Variants in MDGA2 observed in about 807,000 individuals in gnomAD.
The protein encoded by MDGA2 is MAM domain-containing glycosylphosphatidylinositol anchor protein 2.
A neutral mutation model predicts 117.8 loss-of-function variants in MDGA2; 40 were observed. That is an observed-to-expected ratio of 0.34 (90% CI 0.26 to 0.44). The LOEUF is 0.44. Ranked by LOEUF, MDGA2 falls within the 20% of genes least tolerant of loss-of-function variation. The probability of loss-of-function intolerance (pLI) is 1.00; values close to 1 mark genes in which losing one functional copy is unlikely to be tolerated. For synonymous variants in MDGA2, 452 were observed against 439.0 expected, an observed-to-expected ratio of 1.03 and a Z score of -0.37; for missense variants, 1,123 against 1,250.6, an observed-to-expected ratio of 0.90 and a Z score of 1.54.
intron 2 of MDGA2, among the ~76,000 whole-genome samples, chr14:47,223,609 C>G (rs1886375855): frequency 6.6e-6 from 1 of 152,042 alleles, no homozygotes; most frequent in African/African-American, 2.4e-5. Flanking sequence ...CTTCCTATCC[C>G]CCAGCTAAAA....
At chr14:47,262,162 A>G (rs1462824765) in intron 2 of MDGA2, among the ~76,000 whole-genome samples, 8 of 152,188 alleles carry the variant, frequency 5.3e-5, no homozygotes, top group Non-Finnish European at 1.0e-4. Flanking sequence ...CAAATCAGAA[A>G]GAACAGGCTA....
chr14:47,016,945 T>TA (rs1208708210), intron 8 of MDGA2, among the ~76,000 whole-genome samples: 1 of 151,784 alleles, frequency 6.6e-6, no homozygotes, highest in Non-Finnish European at 1.5e-5. Flanking sequence ...TTTTTATTAT[T>TA]TTTTTCCATA....
intron 1 of MDGA2, among the ~76,000 whole-genome samples, chr14:47,356,129 T>C (rs1313662825): frequency 6.6e-6 from 1 of 152,152 alleles, no homozygotes; most frequent in Admixed American, 6.5e-5. Flanking sequence ...CTTGGATTCA[T>C]CACTCACGAG....
At chr14:47,196,398 T>C (rs543581031) in intron 3 of MDGA2, among the ~76,000 whole-genome samples, 1 of 152,266 alleles carries the variant, frequency 6.6e-6, no homozygotes, top group East Asian at 1.9e-4. Context: ...TTAAATACTG[T>C]AAGATTAAAC....
intron 3 of MDGA2, among the ~76,000 whole-genome samples, chr14:47,217,452 A>C (rs1886134751): frequency 6.6e-6 from 1 of 151,986 alleles, no homozygotes; most frequent in Non-Finnish European, 1.5e-5. Flanking sequence ...AACAAAAATA[A>C]ATCAACAAAC....
intron 1 of MDGA2, among the ~76,000 whole-genome samples, chr14:47,503,062 T>C (rs1420679929): frequency 1.3e-5 from 2 of 152,176 alleles, no homozygotes. Flanking sequence ...AAATGCCCCG[T>C]TTAACATTTA....
chr14:47,118,783 G>T (rs796541654), intron 5 of MDGA2, among the ~76,000 whole-genome samples: 16 of 152,272 alleles, frequency 1.1e-4, no homozygotes, highest in African/African-American at 3.9e-4. Flanking sequence ...GTTCAGTCTG[G>T]AGTGCAGCGG....
intron 10 of MDGA2, among the ~76,000 whole-genome samples, chr14:46,903,278 A>G (rs547972370): frequency 7.3e-4 from 111 of 152,296 alleles, no homozygotes; most frequent in African/African-American, 2.6e-3. Context: ...CTGCAACACT[A>G]ATCTCCCTTT....
intron 2 of MDGA2, among the ~76,000 whole-genome samples, chr14:47,291,120 C>T (rs1888872270): frequency 6.6e-6 from 1 of 152,164 alleles, no homozygotes; most frequent in African/African-American, 2.4e-5. Flanking sequence ...GATTGTATTG[C>T]CTGAGCAGTA....
chr14:46,976,289 T>C (rs56257026), intron 8 of MDGA2, among the ~76,000 whole-genome samples: 15,796 of 151,918 alleles, frequency 0.1, 1,135 homozygotes, highest in Admixed American at 0.16. Context: ...AAAAACACAG[T>C]GGCTTAGAAC....
rs377473841 is a variant in MDGA2, at chr14:47,675,199, C to T, written c.-403G>A. Among the ~76,000 whole-genome samples the T allele has an allele frequency of 2.0e-5, 3 of 152,124 alleles. No individual in the cohort carries two copies. Among genetic ancestry groups the T allele is most frequent in the African/African-American group, 7.2e-5 (3 of 41,450 alleles). On this transcript the variant is annotated 5_prime_UTR_variant, in exon 1 of 17. Transcript: ENST00000399232. The stretch of plus-strand genomic sequence containing the variant: ...CGTCAAGCGGCGACAGCGGCCCGCC[C>T]GCCCGCAGTCCGAAGCCCCCAGCCC...
intron 1 of MDGA2, among the ~76,000 whole-genome samples, chr14:47,649,791 TA>T (rs1243391381): frequency 6.6e-6 from 1 of 151,986 alleles, no homozygotes; most frequent in African/African-American, 2.4e-5. Context: ...ATAGGAGACA[TA>T]ACAGTGGATT....
intron 3 of MDGA2, among the ~76,000 whole-genome samples, chr14:47,178,335 C>T (rs1443768559): frequency 6.6e-6 from 1 of 152,116 alleles, no homozygotes; most frequent in African/African-American, 2.4e-5. Flanking sequence ...CATCTCTACT[C>T]GGTCGAGGGC....
At chr14:47,570,761 T>C (rs983322654) in intron 1 of MDGA2, among the ~76,000 whole-genome samples, 4 of 152,112 alleles carry the variant, frequency 2.6e-5, no homozygotes, top group African/African-American at 9.7e-5. Context: ...TAATTCAAGA[T>C]GGATTAAAGA....
intron 1 of MDGA2, among the ~76,000 whole-genome samples, chr14:47,504,729 T>A (rs1894475014): frequency 6.6e-6 from 1 of 152,148 alleles, no homozygotes; most frequent in Non-Finnish European, 1.5e-5. Context: ...ACTAACAAAC[T>A]GTTTATACTG....
At chr14:46,959,275 G>A (rs896697018) in intron 8 of MDGA2, among the ~76,000 whole-genome samples, 2,306 of 144,950 alleles carry the variant, frequency 0.016, 65 homozygotes, top group African/African-American at 0.052. Context: ...GTGTGTGTGT[G>A]TGTGTGTGTG....
intron 1 of MDGA2, among the ~76,000 whole-genome samples, chr14:47,618,645 T>C (rs1432102400): frequency 1.3e-5 from 2 of 152,256 alleles, no homozygotes; most frequent in African/African-American, 4.8e-5. Context: ...TTGCATTTCT[T>C]CTTTGCATTT....
At chr14:47,335,881 T>C (rs1313007155) in intron 1 of MDGA2, among the ~76,000 whole-genome samples, 1 of 150,998 alleles carries the variant, frequency 6.6e-6, no homozygotes, top group Non-Finnish European at 1.5e-5. Context: ...GACTCAAATG[T>C]AGGGTATAGG....
In MDGA2 at chr14:47,514,147, T is replaced by C. The variant is rs150932565; in HGVS notation, c.280+160370A>G. The stretch of plus-strand genomic sequence containing the variant: ...TTTACTGTTTTCAATTCGTTTGTTT[T>C]GTTTTTGAGAAAGGTGGAGGGAAGA... On this transcript the variant is annotated intron_variant, in intron 1 of 16. Transcript: ENST00000399232. 2.3e-3 allele frequency among the ~76,000 whole-genome samples: 357 copies of C among 152,302 alleles called. 3 individuals are homozygous for C. Among genetic ancestry groups the C allele is most frequent in the African/African-American group, 8.1e-3 (335 of 41,570 alleles).
Sources: gnomAD v4.1 joint callset for allele counts (sites outside exome capture counted in the v4.1 genomes callset) on GRCh38, gnomAD v4.1.1 for gene constraint, MANE v1.5 for transcripts, NCBI Gene and HGNC (gene_info 2026-07-23, HGNC 2026-07-21) for gene names.